Variants in CCDC171 observed in about 807,000 individuals in gnomAD.
The protein encoded by CCDC171 is coiled-coil domain containing 171, also known as coiled-coil domain-containing protein 171.
In CCDC171, 177 loss-of-function variants were observed where a neutral mutation model predicts 168.2. The observed-to-expected ratio is 1.05, with a 90% CI of 0.93 to 1.19. CCDC171 has a LOEUF of 1.19. Among genes scored for constraint, CCDC171 ranks in the 50% most tolerant of loss-of-function variants. The probability of loss-of-function intolerance (pLI) is 0.00; values close to 1 mark genes in which losing one functional copy is unlikely to be tolerated. For synonymous variants in CCDC171, 687 were observed against 540.8 expected (o/e 1.27, Z -3.75); for missense variants, 1,991 against 1,539.0 (o/e 1.29, Z -4.91).
chr9:15,624,974 C>A lies in CCDC171; in HGVS notation c.822+1561C>A, dbSNP rs140660904. On this transcript the variant is annotated intron_variant, in intron 7 of 25. Coordinates refer to ENST00000380701, the MANE Select transcript of CCDC171 (RefSeq NM_173550.4). ...TATTTCTCCACATCCTCTCCAGCAC[C>A]TGTTGTTTCTTGACTTTTTAATGAT... 1.8e-4 allele frequency among the ~76,000 whole-genome samples: 27 copies of A among 152,284 alleles called. No homozygotes were observed. In the East Asian group the frequency reaches 5.0e-3, roughly 28 times the overall value.
chr9:15,906,473 C>T lies in CCDC171; in HGVS notation c.3601-13797C>T, dbSNP rs113513432. Among the ~76,000 whole-genome samples the T allele has an allele frequency of 1.5e-3, 233 of 152,264 alleles. 2 individuals are homozygous for T. The highest frequency in any genetic ancestry group is 2.3e-3 in the African/African-American group (96 of 41,576). On this transcript the variant is annotated intron_variant, in intron 24 of 25. Coordinates refer to ENST00000380701, the MANE Select transcript of CCDC171 (RefSeq NM_173550.4). ...AAAGGCCTTTGACAAAATTGGACAA[C>T]GCTTCATGCTAAAAACTCTCAATAA...
At chr9:15,878,105 G>A (rs1383104535) in intron 24 of CCDC171, among the ~76,000 whole-genome samples, 1 of 152,082 alleles carries the variant, frequency 6.6e-6, no homozygotes, top group Non-Finnish European at 1.5e-5. Flanking sequence ...AAAAGCAATT[G>A]CAACAAAGAC....
At position 15,982,269 on chromosome 9, in the gene CCDC171, G is replaced by A. The variant is rs550955802; in HGVS notation, n.369-38320G>A. ...TAATTGAGCTTGTTTAGTGTTTATGGCCCAGCGTAGTGATGTGAGAATTTA... is the reference window on the plus strand; with the variant it reads ...TAATTGAGCTTGTTTAGTGTTTATGACCCAGCGTAGTGATGTGAGAATTTA... On this transcript the variant is annotated intron_variant and non_coding_transcript_variant, in intron 3 of 9. Transcript: ENST00000486641. 2.6e-5 allele frequency among the ~76,000 whole-genome samples: 4 copies of A among 152,128 alleles called. No individual in the cohort carries two copies. In the South Asian group the frequency reaches 8.3e-4, roughly 32 times the overall value.
Position 15,862,201 on chromosome 9 carries a change from TA to T in CCDC171, c.3469-12326del, listed in dbSNP as rs370997656. 7.6e-3 allele frequency among the ~76,000 whole-genome samples: 1,158 copies of T among 151,994 alleles called. 12 individuals are homozygous for T. The highest frequency in any genetic ancestry group is 0.027 in the African/African-American group (1,101 of 41,486). ...AATTAAAAAAAGAATAAAAAAGACTTAAAAATTCTCTTTTTTTGAATAAAGA... is the reference window on the plus strand; with the variant it reads ...AATTAAAAAAAGAATAAAAAAGACTTAAAATTCTCTTTTTTTGAATAAAGA... On this transcript the variant is annotated intron_variant, in intron 23 of 25. Transcript: ENST00000380701.
chr9:15,607,654 G>T (rs534862495), intron 6 of CCDC171, among the ~76,000 whole-genome samples: 3 of 152,052 alleles, frequency 2.0e-5, no homozygotes, highest in Non-Finnish European at 2.9e-5. Context: ...GTAGAGACGG[G>T]GTTTCGCCAT....
Position 15,870,199 on chromosome 9 carries a change from A to G in CCDC171, c.3469-4333A>G, listed in dbSNP as rs1437534267. ...ACTGCTCTTTGGTGCATAGGTTGAA[A>G]AATAGTATGTAGGCTGTTCTAGTGC... On this transcript the variant is annotated intron_variant, in intron 23 of 25. Transcript: ENST00000380701. Among the ~76,000 whole-genome samples the G allele has an allele frequency of 2.0e-5, 3 of 151,806 alleles. No homozygotes were observed. In the Admixed American group the frequency reaches 2.0e-4, roughly 10 times the overall value.
chr9:16,049,947 T>A (rs1490649567), intron 1 of CCDC171, among the ~76,000 whole-genome samples: 1 of 152,196 alleles, frequency 6.6e-6, no homozygotes, highest in Non-Finnish European at 1.5e-5. Flanking sequence ...AGTGCAGTGG[T>A]GCAATCTCAG....
intron 3 of CCDC171, among the ~76,000 whole-genome samples, chr9:15,576,298 G>A (rs1644680981): frequency 1.3e-5 from 2 of 151,956 alleles, no homozygotes; most frequent in African/African-American, 2.4e-5. Context: ...ATTTTATGCT[G>A]TAGCTTCCCA....
chr9:15,908,156 T>C (rs1418968447), intron 24 of CCDC171, among the ~76,000 whole-genome samples: 2 of 151,856 alleles, frequency 1.3e-5, no homozygotes, highest in African/African-American at 2.4e-5. Context: ...CATTACTGGG[T>C]ATATACCCAA....
intron 24 of CCDC171, among the ~76,000 whole-genome samples, chr9:15,917,763 G>A (rs1305790052): frequency 6.6e-6 from 1 of 151,610 alleles, no homozygotes; most frequent in East Asian, 1.9e-4. Flanking sequence ...AATATTAAAG[G>A]TCAATTCTCT....
At chr9:15,779,784 A>G (rs2057562006) in intron 20 of CCDC171, among the ~76,000 whole-genome samples, 2 of 152,258 alleles carry the variant, frequency 1.3e-5, no homozygotes, top group Non-Finnish European at 2.9e-5. Flanking sequence ...TTATTTTAAA[A>G]AGCAGAAAAT....
intron 3 of CCDC171, among the ~76,000 whole-genome samples, chr9:15,997,309 A>G (rs1318485726): frequency 6.6e-6 from 1 of 152,168 alleles, no homozygotes; most frequent in Non-Finnish European, 1.5e-5. Flanking sequence ...AGACTCTCGT[A>G]CCCCTACCAT....
chr9:16,099,735 A>C, the CCDC171 span, among the ~76,000 whole-genome samples: 1 of 152,226 alleles, frequency 6.6e-6, no homozygotes, highest in African/African-American at 2.4e-5. Context: ...TAGTCTCAAC[A>C]AGAAAGAGAT....
chr9:16,087,557 C>CTTTTTTTTTTTT, the CCDC171 span, among the ~76,000 whole-genome samples: 10 of 78,788 alleles, frequency 1.3e-4, no homozygotes, highest in African/African-American at 2.8e-4. Flanking sequence ...GCAACTCCTG[C>CTTTTTTTTTTTT]TTTTTTTTTT....
chr9:15,728,940 C>A (rs2053988097), intron 15 of CCDC171, among the ~76,000 whole-genome samples: 7 of 151,920 alleles, frequency 4.6e-5, no homozygotes, highest in Admixed American at 4.6e-4. Context: ...TATCTTGGTC[C>A]TATTGACAAA....
chr9:15,684,245 C>A (rs1385115278), intron 10 of CCDC171, among the ~76,000 whole-genome samples: 1 of 151,892 alleles, frequency 6.6e-6, no homozygotes, highest in South Asian at 2.1e-4. Context: ...AAATAAAAAA[C>A]TTAAAAGTTT....
chr9:16,003,427 G>A (rs1832612124), intron 3 of CCDC171, among the ~76,000 whole-genome samples: 1 of 152,104 alleles, frequency 6.6e-6, no homozygotes, highest in African/African-American at 2.4e-5. Flanking sequence ...GCACTAAATT[G>A]ATTGGAGAAG....
At chr9:15,661,149 G>A (rs930788374) in intron 8 of CCDC171, among the ~76,000 whole-genome samples, 7 of 152,066 alleles carry the variant, frequency 4.6e-5, no homozygotes, top group Admixed American at 2.0e-4. Flanking sequence ...GCGTCGTGGC[G>A]GGCGCCTGTA....
intron 20 of CCDC171, 63 bp downstream of exon 20, chr9:15,779,213 C>G: frequency 2.1e-6 from 2 of 942,848 alleles, no homozygotes; most frequent in Non-Finnish European, 2.9e-6. Context: ...TCTCTATATC[C>G]TTTTTTCCTT....
Sources: allele counts gnomAD v4.1 joint callset (sites outside exome capture counted in the v4.1 genomes callset), GRCh38; gene constraint gnomAD v4.1.1; transcripts MANE v1.5; gene names NCBI Gene and HGNC (gene_info 2026-07-23, HGNC 2026-07-21).